The following DAB2IP variants were observed in gnomAD, a reference collection of about 807,000 sequenced individuals.
DAB2IP encodes disabled homolog 2-interacting protein.
Under a neutral mutation model 107.2 loss-of-function variants are expected in DAB2IP, and 28 were observed. The observed-to-expected ratio is 0.26, with a 90% CI of 0.19 to 0.36. The LOEUF is 0.36. Ranked by LOEUF, DAB2IP falls within the 10% of genes least tolerant of loss-of-function variation. DAB2IP has a pLI of 1.00. For synonymous variants in DAB2IP, 755 were observed against 706.4 expected (o/e 1.07, Z -1.09); for missense variants, 1,400 against 1,644.7 (o/e 0.85, Z 2.57).
At chr9:121,574,736 G>A (rs1268626487) in intron 1 of DAB2IP, among the ~76,000 whole-genome samples, 1 of 152,060 alleles carries the variant, frequency 6.6e-6, no homozygotes, top group Non-Finnish European at 1.5e-5. Context: ...CACCCCACTG[G>A]GTCTCCTGGC....
chr9:121,639,693 C>T (rs1197613190), intron 1 of DAB2IP, among the ~76,000 whole-genome samples: 1 of 152,164 alleles, frequency 6.6e-6, no homozygotes, highest in African/African-American at 2.4e-5. Context: ...TTTATAACCC[C>T]TCCCTGCCTG....
intron 1 of DAB2IP, among the ~76,000 whole-genome samples, chr9:121,568,759 A>G (rs1222544416): frequency 6.6e-6 from 1 of 152,186 alleles, no homozygotes; most frequent in African/African-American, 2.4e-5. Flanking sequence ...TTGAAGAGGC[A>G]GGCGAGGGGG....
At chr9:121,732,599 C>T (rs907362827) in intron 3 of DAB2IP, among the ~76,000 whole-genome samples, 5 of 152,062 alleles carry the variant, frequency 3.3e-5, no homozygotes, top group African/African-American at 1.2e-4. Context: ...ATACATTAAC[C>T]ACCCACACAG....
rs555385254 is a variant in DAB2IP, at chr9:121,634,657, G to T, written c.41-44021G>T. 2.6e-5 allele frequency among the ~76,000 whole-genome samples: 4 copies of T among 152,308 alleles called. No individual in the cohort carries two copies. In the East Asian group the frequency reaches 7.7e-4, roughly 29 times the overall value. ...GTGGGGAGGCCCTCGTGGGAGTGTGGAAGAGGAGCACCTTTCTCTGGGGAG... is the reference window on the plus strand; with the variant it reads ...GTGGGGAGGCCCTCGTGGGAGTGTGTAAGAGGAGCACCTTTCTCTGGGGAG... On this transcript the variant is annotated intron_variant, in intron 1 of 16. Transcript: ENST00000259371. The surrounding 1 kb of genome is among the most constrained non-coding windows in gnomAD (Gnocchi z 4.7).
intron 14 of DAB2IP, among the ~76,000 whole-genome samples, chr9:121,777,257 GA>G (rs1218735078): frequency 3.9e-5 from 6 of 152,176 alleles, no homozygotes; most frequent in Admixed American, 3.3e-4. Flanking sequence ...CAAGAGCCAG[GA>G]AGGCCTCTGC....
intron 3 of DAB2IP, among the ~76,000 whole-genome samples, chr9:121,748,256 T>G (rs961271905): frequency 1.3e-5 from 2 of 152,176 alleles, no homozygotes; most frequent in South Asian, 4.1e-4. Flanking sequence ...TAGATACAGC[T>G]GGGATAGAGA....
intron 1 of DAB2IP, among the ~76,000 whole-genome samples, chr9:121,629,545 A>G (rs988053290): frequency 6.6e-6 from 1 of 152,180 alleles, no homozygotes; most frequent in Admixed American, 6.5e-5. Flanking sequence ...AGTCCTCCTC[A>G]TCCATTTATT....
intron 3 of DAB2IP, chr9:121,742,800 G>A (rs955914606): frequency 1.4e-5 from 14 of 985,294 alleles, no homozygotes; most frequent in East Asian, 1.1e-4. Context: ...CTCTTCTTTC[G>A]TGTTGTGTCA....
At chr9:121,783,924 G>C (rs922751741) in exon 16 of DAB2IP, 1 of 286,594 alleles carries the variant, frequency 3.5e-6, no homozygotes, top group East Asian at 6.9e-5. Flanking sequence ...AAGAAGGGTG[G>C]GAGTGGGGCC....
At chr9:121,603,376 G>C (rs1223007250) in intron 1 of DAB2IP, among the ~76,000 whole-genome samples, 1 of 151,702 alleles carries the variant, frequency 6.6e-6, no homozygotes, top group African/African-American at 2.4e-5. Flanking sequence ...CTGCAGACAG[G>C]GTGCTTGTTC....
intron 3 of DAB2IP, among the ~76,000 whole-genome samples, chr9:121,739,711 C>T (rs536105476): frequency 7.2e-5 from 11 of 152,246 alleles, no homozygotes; most frequent in Non-Finnish European, 1.2e-4. Context: ...GTCCCAGAGG[C>T]GCTGTCAGGC....
intron 3 of DAB2IP, among the ~76,000 whole-genome samples, chr9:121,710,853 G>A (rs1830306788): frequency 6.6e-6 from 1 of 152,200 alleles, no homozygotes; most frequent in Admixed American, 6.5e-5. Context: ...GTTGCCTATT[G>A]TGCTGCAGGC....
chr9:121,684,638 C>T lies in DAB2IP; in HGVS notation c.228+5857C>T, dbSNP rs571783401. ...AAGGAGGAATGCATGACTTCAGGTCCAGGAGGGGGCATTCTCTGCTCCCTG... is the reference window on the plus strand; with the variant it reads ...AAGGAGGAATGCATGACTTCAGGTCTAGGAGGGGGCATTCTCTGCTCCCTG... On this transcript the variant is annotated intron_variant, in intron 2 of 15. Coordinates refer to ENST00000408936, the Ensembl canonical transcript of DAB2IP. The surrounding 1 kb of genome is among the most constrained non-coding windows in gnomAD (Gnocchi z 4.0). Among the ~76,000 whole-genome samples, 217 of 152,292 alleles carry T rather than the reference C, an allele frequency of 1.4e-3. No individual in the cohort carries two copies. Among genetic ancestry groups the T allele is most frequent in the Non-Finnish European group, 2.5e-3 (170 of 68,014 alleles).
chr9:121,576,878 G>T (rs930297252), intron 1 of DAB2IP, among the ~76,000 whole-genome samples: 1 of 152,114 alleles, frequency 6.6e-6, no homozygotes, highest in African/African-American at 2.4e-5. Context: ...TTCCAGAAGG[G>T]AGGGAGGGGA....
At chr9:121,780,324 C>T (rs1011766707) in intron 14 of DAB2IP, among the ~76,000 whole-genome samples, 2 of 152,184 alleles carry the variant, frequency 1.3e-5, no homozygotes, top group Non-Finnish European at 2.9e-5. Flanking sequence ...GGGGAACCTG[C>T]CCCGGAGGGT....
intron 3 of DAB2IP, among the ~76,000 whole-genome samples, chr9:121,707,380 T>C (rs1159629807): frequency 1.3e-5 from 2 of 152,192 alleles, no homozygotes; most frequent in African/African-American, 2.4e-5. Flanking sequence ...TAGTGGTACA[T>C]TACTGCATCA....
intron 1 of DAB2IP, among the ~76,000 whole-genome samples, chr9:121,581,711 G>T (rs933959437): frequency 6.6e-6 from 1 of 152,336 alleles, no homozygotes; most frequent in African/African-American, 2.4e-5. Context: ...GCCTAGTCCT[G>T]CTCCAGGGAG....
intron 10 of DAB2IP, among the ~76,000 whole-genome samples, chr9:121,769,066 C>T (rs925008852): frequency 6.6e-6 from 1 of 152,268 alleles, no homozygotes; most frequent in African/African-American, 2.4e-5. Flanking sequence ...CCCTAGACAC[C>T]TCTGACACTG....
chr9:121,783,680 C>T, exon 16 of DAB2IP: 18 of 1,204,644 alleles, frequency 1.5e-5, no homozygotes, highest in Non-Finnish European at 2.1e-5. Context: ...CTGCACCTGC[C>T]CCGTGTGTGT....
Sources: gnomAD v4.1 joint callset for allele counts (sites outside exome capture counted in the v4.1 genomes callset) on GRCh38, gnomAD v4.1.1 for gene constraint, Gnocchi (gnomAD v3.1) non-coding constraint, MANE v1.5 for transcripts, NCBI Gene and HGNC (gene_info 2026-07-23, HGNC 2026-07-21) for gene names.